RAB3B: variants seen among roughly 807,000 people sequenced by gnomAD.
The protein encoded by RAB3B is RAB3B, member RAS oncogene family, also known as ras-related protein Rab-3B.
Under a neutral mutation model 20.5 loss-of-function variants are expected in RAB3B, and 11 were observed. The observed-to-expected ratio is 0.54, with a 90% CI of 0.34 to 0.89. RAB3B has a LOEUF of 0.89. RAB3B is among the 40% of genes least tolerant of loss of function. RAB3B has a pLI of 0.02. For missense variants in RAB3B, 225 were observed against 280.9 expected, an observed-to-expected ratio of 0.80 and a Z score of 1.42; for synonymous variants, 99 against 106.3, an observed-to-expected ratio of 0.93 and a Z score of 0.42.
chr1:51,964,554 T>G (rs1347538372), intron 2 of RAB3B, among the ~76,000 whole-genome samples: 1 of 152,228 alleles, frequency 6.6e-6, no homozygotes, highest in East Asian at 1.9e-4. Flanking sequence ...CTTGGTTATC[T>G]AACGGGTATC....
intron 4 of RAB3B, among the ~76,000 whole-genome samples, chr1:51,926,096 G>A (rs574544110): frequency 1.5e-3 from 226 of 152,334 alleles, no homozygotes; most frequent in Admixed American, 5.9e-3. Context: ...GGGAAACATA[G>A]CCTGCAAAGG....
chr1:51,956,976 A>G (rs1446763603), intron 2 of RAB3B, among the ~76,000 whole-genome samples: 1 of 152,334 alleles, frequency 6.6e-6, no homozygotes, highest in South Asian at 2.1e-4. Flanking sequence ...CCTCTCTCCA[A>G]TGAAACTGTG....
intron 4 of RAB3B, among the ~76,000 whole-genome samples, chr1:51,928,583 G>A (rs1684279223): frequency 6.6e-6 from 1 of 152,230 alleles, no homozygotes; most frequent in Non-Finnish European, 1.5e-5. Flanking sequence ...CAGAGGGGTA[G>A]TCACTGGGTG....
intron 2 of RAB3B, among the ~76,000 whole-genome samples, chr1:51,975,899 G>A (rs1685002603): frequency 6.6e-6 from 1 of 152,002 alleles, no homozygotes; most frequent in Non-Finnish European, 1.5e-5. Flanking sequence ...GGCTGAGGCA[G>A]GAGAATCGCT....
At chr1:51,950,002 A>G (rs567125378) in intron 2 of RAB3B, among the ~76,000 whole-genome samples, 1 of 152,254 alleles carries the variant, frequency 6.6e-6, no homozygotes, top group Non-Finnish European at 1.5e-5. Context: ...AGGGATCAGG[A>G]ATGTGGGGTC....
chr1:51,959,466 C>G (rs1684756868), intron 2 of RAB3B, among the ~76,000 whole-genome samples: 1 of 152,026 alleles, frequency 6.6e-6, no homozygotes, highest in Admixed American at 6.6e-5. Context: ...GAGCCATGTT[C>G]ACACCACTGC....
In RAB3B at chr1:51,918,543, G is replaced by T. The variant is rs1026071986; in HGVS notation, c.*1384C>A. 6 of 152,240 alleles carry T rather than the reference G, an allele frequency of 3.9e-5. No individual in the cohort carries two copies. The highest frequency in any genetic ancestry group is 3.3e-4 in the Admixed American group (5 of 15,280). 9.4% of individuals were successfully genotyped at this position (152,240 alleles called of 1,614,324 possible). Reference sequence around the variant, plus strand: ...ACCAACAGGGAGGGAAGAAGAAGAAGAATTTCCAGGAGGCAGATTTGAGCT... The same window carrying T: ...ACCAACAGGGAGGGAAGAAGAAGAATAATTTCCAGGAGGCAGATTTGAGCT... On this transcript the variant is annotated 3_prime_UTR_variant, in exon 5 of 5. Coordinates refer to ENST00000371655, the MANE Select transcript of RAB3B (RefSeq NM_002867.4).
rs186593314 is a variant in RAB3B at position 51,913,232 on chromosome 1, G to A, written c.*6695C>T. On this transcript the variant is annotated 3_prime_UTR_variant, in exon 5 of 5. Transcript: ENST00000371655. ...ACAAGCATCAAAACTTCTTCATCTCGAGTGTCTTGATTCCTCCAAAGTAAA... is the reference window on the plus strand; with the variant it reads ...ACAAGCATCAAAACTTCTTCATCTCAAGTGTCTTGATTCCTCCAAAGTAAA... 8.5e-5 allele frequency: 13 copies of A among 152,212 alleles called. No homozygotes were observed. Among genetic ancestry groups the A allele is most frequent in the Admixed American group, 8.5e-4 (13 of 15,280 alleles). 9.4% of individuals were successfully genotyped at this position (152,212 alleles called of 1,614,324 possible).
At chr1:51,966,866 T>C (rs539866043) in intron 2 of RAB3B, among the ~76,000 whole-genome samples, 1 of 152,260 alleles carries the variant, frequency 6.6e-6, no homozygotes, top group East Asian at 1.9e-4. Context: ...TGCTGCCCGC[T>C]GATCTCTCCA....
intron 2 of RAB3B, among the ~76,000 whole-genome samples, chr1:51,938,000 T>TC (rs1684432229): frequency 6.8e-6 from 1 of 146,094 alleles, no homozygotes; most frequent in Non-Finnish European, 1.5e-5. Flanking sequence ...TTGTTTCTTT[T>TC]TTTTTTTTTT....
intron 1 of RAB3B, among the ~76,000 whole-genome samples, chr1:51,986,857 C>T (rs565289801): frequency 1.3e-5 from 2 of 152,338 alleles, no homozygotes; most frequent in Admixed American, 1.3e-4. Flanking sequence ...ATTTGGAAGA[C>T]AGGCAAAAAG....
rs1449036321 is a variant in RAB3B at position 51,919,900 on chromosome 1, A to G, written c.*27T>C. ...GCAGACTGGGTGTGGGGCCACAATGAGGGGAGGTCAGGAAGGTGGGCCTTG... is the reference window on the plus strand; with the variant it reads ...GCAGACTGGGTGTGGGGCCACAATGGGGGGAGGTCAGGAAGGTGGGCCTTG... On this transcript the variant is annotated 3_prime_UTR_variant, in exon 5 of 5. Transcript: ENST00000371655. 1 of 1,595,696 alleles carries G rather than the reference A, an allele frequency of 6.3e-7. No individual in the cohort carries two copies. The highest frequency in any genetic ancestry group is 1.3e-5 in the African/African-American group (1 of 74,590).
At chr1:51,932,576 C>T (rs1684341458) in intron 4 of RAB3B, among the ~76,000 whole-genome samples, 1 of 152,202 alleles carries the variant, frequency 6.6e-6, no homozygotes, top group East Asian at 1.9e-4. Flanking sequence ...ACTCAAACCA[C>T]ATAGTTTTGT....
intron 4 of RAB3B, 24 bp from the exon 5 acceptor site, chr1:51,920,138 A>T (rs1414433806): frequency 1.9e-6 from 3 of 1,585,628 alleles, no homozygotes; most frequent in Non-Finnish European, 1.7e-6. Context: ...AGATACAGAT[A>T]AGGACTTTTC....
chr1:51,919,726 T>C lies in RAB3B; in HGVS notation c.*201A>G, dbSNP rs1684142982. ...TGCACCCGTGTAGTGACCTGTTATG[T>C]TAGTCTAGTGCTGAGTATCTATTAC... On this transcript the variant is annotated 3_prime_UTR_variant, in exon 5 of 5. Transcript: ENST00000371655. 2.0e-6 allele frequency: 1 copy of C among 493,162 alleles called. No individual in the cohort carries two copies. Among genetic ancestry groups the C allele is most frequent in the Non-Finnish European group, 3.6e-6 (1 of 279,116 alleles). The allele number at this position is 493,162 out of a possible 1,614,324, so 30.5% of individuals were successfully genotyped here.
chr1:51,973,702 TC>T (rs1684967442), intron 2 of RAB3B, among the ~76,000 whole-genome samples: 1 of 152,314 alleles, frequency 6.6e-6, no homozygotes, highest in South Asian at 2.1e-4. Context: ...TTATGAGGTT[TC>T]ATTTAGTTAA....
intron 1 of RAB3B, among the ~76,000 whole-genome samples, chr1:51,979,036 G>A (rs1410298117): frequency 1.3e-5 from 2 of 152,152 alleles, no homozygotes; most frequent in Non-Finnish European, 2.9e-5. Context: ...ATCTGAGACT[G>A]TAAGTTCCAT....
Position 51,989,096 on chromosome 1 carries a change from T to TGC in RAB3B, c.-1+1454_-1+1455dup, listed in dbSNP as rs201916237. Among the ~76,000 whole-genome samples the TGC allele has an allele frequency of 7.0e-3, 231 of 33,080 alleles. 3 individuals are homozygous for TGC. The highest frequency in any genetic ancestry group is 0.042 in the South Asian group (33 of 778). The allele number at this position is 33,080 out of a possible 152,430, so 21.7% of individuals were successfully genotyped here. A position where few individuals can be genotyped will look rare whatever the true frequency, so the allele number is the denominator to read the frequency against. On this transcript the variant is annotated intron_variant, in intron 1 of 4. Transcript: ENST00000371655. ...CACAGAACAGGTGGACACCCACCTGTGCGCGCGCACACACACACACACACA... is the reference window on the plus strand; with the variant it reads ...CACAGAACAGGTGGACACCCACCTGTGCGCGCGCGCACACACACACACACACA...
chr1:51,984,852 G>A (rs888586360), intron 1 of RAB3B, among the ~76,000 whole-genome samples: 1 of 152,020 alleles, frequency 6.6e-6, no homozygotes, highest in Admixed American at 6.6e-5. Context: ...AAATAAACCT[G>A]GGAAATAAAG....
Sources: allele counts gnomAD v4.1 joint callset (sites outside exome capture counted in the v4.1 genomes callset), GRCh38; gene constraint gnomAD v4.1.1; transcripts MANE v1.5; gene names NCBI Gene and HGNC (gene_info 2026-07-23, HGNC 2026-07-21).